The following GDPD5 variants were observed in gnomAD, a reference collection of about 807,000 sequenced individuals.
The protein encoded by GDPD5 is glycerophosphodiester phosphodiesterase domain containing 5, also known as glycerophosphodiester phosphodiesterase 2.
GDPD5 carries 48 observed loss-of-function variants against 75.1 expected under a neutral mutation model. That is an observed-to-expected ratio of 0.64 (90% confidence interval 0.51 to 0.81). GDPD5 has a LOEUF of 0.81. GDPD5 is among the 40% of genes least tolerant of loss of function. The pLI is 0.00. For missense variants in GDPD5, 706 were observed against 822.6 expected, an observed-to-expected ratio of 0.86 and a Z score of 1.73; for synonymous variants, 336 against 339.0, an observed-to-expected ratio of 0.99 and a Z score of 0.10.
chr11:75,477,692 C>T lies in GDPD5; in HGVS notation c.44G>A (p.Cys15Tyr). The change falls in exon 3 of 17, where the codon TGC (cysteine) becomes TAC (tyrosine). Residue 15 changes from cysteine to tyrosine, a missense_variant. By Grantham distance (194) the Cys-to-Tyr change is radical. Transcript: ENST00000336898. Reference protein sequence around the residue: ...QPLQYYEPQLCLSCLTGIYGC... With the variant: ...QPLQYYEPQLYLSCLTGIYGC... The stretch of plus-strand genomic sequence containing the variant: ...GTAGATGCCCGTGAGGCAGGAGAGG[C>T]ACAGCTGTGGCTCGTAGTACTGCAG... 6.3e-7 allele frequency: 1 copy of T among 1,598,616 alleles called. No homozygotes were observed. Among genetic ancestry groups the T allele is most frequent in the Middle Eastern group, 1.7e-4 (1 of 5,944 alleles).
rs139215090 is a variant in GDPD5, at chr11:75,492,078, G to A, written c.-144-1758C>T. Among the ~76,000 whole-genome samples, 20 of 152,306 alleles carry A rather than the reference G, an allele frequency of 1.3e-4. 1 individual carries two copies. The East Asian group carries it at 3.9e-3, about 29-fold the overall frequency. ...GAAAGTACCGCAGAGTCTCCCCAGG[G>A]CTGTCAGCTCTGCTGTCAGCCTTAC... is the stretch of plus-strand genomic sequence containing the variant. On this transcript the variant is annotated intron_variant, in intron 1 of 16. Transcript: ENST00000336898.
At position 75,442,535 on chromosome 11, in the gene GDPD5, C is replaced by A; in HGVS notation, c.995G>T (p.Arg332Ile). ...TASSLSPSDH[R>I]EAQNQSICSL... Reference sequence around the variant, plus strand: ...GCAGATGGACTGGTTCTGGGCCTCTCTGTGGTCGGAGGGTGACAGGGAGCT... The same window carrying A: ...GCAGATGGACTGGTTCTGGGCCTCTATGTGGTCGGAGGGTGACAGGGAGCT... The change falls in exon 12 of 17, where the codon AGA becomes ATA. Residue 332 changes from arginine (R) to isoleucine (I), a missense_variant. Arg to Ile is a moderately conservative substitution (Grantham distance 97). Transcript: ENST00000336898. The A allele has an allele frequency of 6.2e-7, 1 of 1,614,190 alleles. No homozygotes were observed. Among genetic ancestry groups the A allele is most frequent in the Non-Finnish European group, 8.5e-7 (1 of 1,180,032 alleles).
chr11:75,521,837 G>T (rs1427068388), intron 1 of GDPD5, among the ~76,000 whole-genome samples: 1 of 152,112 alleles, frequency 6.6e-6, no homozygotes, highest in African/African-American at 2.4e-5. Context: ...CACATGTGGT[G>T]TGTTTAGGAG....
At chr11:75,464,984 C>T (rs570532261) in intron 3 of GDPD5, among the ~76,000 whole-genome samples, 1 of 152,306 alleles carries the variant, frequency 6.6e-6, no homozygotes, top group South Asian at 2.1e-4. Context: ...AGGACTAGTC[C>T]TTCTCAGAAT....
At chr11:75,444,336 T>G (rs1948926182) in intron 10 of GDPD5, 77 bp downstream of exon 10, 2 of 1,046,848 alleles carry the variant, frequency 1.9e-6, no homozygotes, top group African/African-American at 3.1e-5. Flanking sequence ...GACCAGAGGT[T>G]CCCCCAGCAG....
Position 75,435,640 on chromosome 11 carries a change from A to C in GDPD5, c.1685T>G (p.Val562Gly). The C allele has an allele frequency of 6.2e-7, 1 of 1,611,008 alleles. No homozygotes were observed. Among genetic ancestry groups the C allele is most frequent in the Non-Finnish European group, 8.5e-7 (1 of 1,178,268 alleles). Residue 562 changes from valine to glycine, a missense_variant, in exon 17 of 17, where the codon GTA becomes GGA. Physicochemically the swap from Val to Gly is moderately radical, Grantham distance 109. Transcript: ENST00000336898. ...KLIFSEISDGVEVSDVLSVCS... is the reference protein window; with the variant it reads ...KLIFSEISDGGEVSDVLSVCS... The stretch of plus-strand genomic sequence containing the variant: ...TACGGAGAGCACATCGGAGACCTCT[A>C]CACCATCGCTGATCTCTGCTGGGCC...
At chr11:75,457,458 C>T (rs1949308557) in intron 5 of GDPD5, among the ~76,000 whole-genome samples, 1 of 152,222 alleles carries the variant, frequency 6.6e-6, no homozygotes, top group African/African-American at 2.4e-5. Flanking sequence ...CTACTAGTGG[C>T]ATGAAATAGC....
chr11:75,446,749 C>G (rs766798377), intron 9 of GDPD5, among the ~76,000 whole-genome samples: 1 of 152,192 alleles, frequency 6.6e-6, no homozygotes, highest in Non-Finnish European at 1.5e-5. Flanking sequence ...CAGGGACACA[C>G]AGAGGGGACC....
chr11:75,443,422 TC>T, intron 10 of GDPD5, 136 bp from the exon 11 acceptor site: 1 of 1,004,596 alleles, frequency 1.0e-6, no homozygotes, highest in Non-Finnish European at 1.5e-6. Context: ...GGCCTCAGTC[TC>T]CCCATCTGCA....
intron 1 of GDPD5, among the ~76,000 whole-genome samples, chr11:75,492,987 C>T (rs760094560): frequency 6.6e-6 from 1 of 152,036 alleles, no homozygotes; most frequent in Non-Finnish European, 1.5e-5. Context: ...GCCTTGGCCT[C>T]CCAAAGTGCT....
At chr11:75,514,514 C>T (rs1399894923) in intron 1 of GDPD5, among the ~76,000 whole-genome samples, 1 of 152,248 alleles carries the variant, frequency 6.6e-6, no homozygotes, top group Non-Finnish European at 1.5e-5. Flanking sequence ...TTGGAGCATG[C>T]ATTAAGCACA....
rs761701516 is a variant in GDPD5 at position 75,457,700 on chromosome 11, C to T, written c.308G>A (p.Gly103Asp). Residue 103 changes from glycine (G) to aspartate (D), a missense_variant, in exon 5 of 17, where the codon GGC (glycine) becomes GAC (aspartate). Gly to Asp is a moderately conservative substitution (Grantham distance 94, BLOSUM62 -1). Coordinates refer to ENST00000336898, the MANE Select transcript of GDPD5 (RefSeq NM_030792.8). ...CAAAACAGCCCCATGTACCAGGAGG[C>T]CAGCGATGTATGCGAAGGCAGCAGC... is the stretch of plus-strand genomic sequence containing the variant. Reference protein sequence around the residue: ...TTAAAFAYIAGLLVLALCHIA... With the variant: ...TTAAAFAYIADLLVLALCHIA... 6.2e-7 allele frequency: 1 copy of T among 1,613,898 alleles called. No homozygotes were observed. Among genetic ancestry groups the T allele is most frequent in the African/African-American group, 1.3e-5 (1 of 74,916 alleles).
At chr11:75,501,985 C>T (rs1236895468) in intron 1 of GDPD5, among the ~76,000 whole-genome samples, 2 of 152,232 alleles carry the variant, frequency 1.3e-5, no homozygotes, top group Admixed American at 6.5e-5. Flanking sequence ...CCTCTCCCTA[C>T]ACCCCCAAGT....
rs1386189328 is a variant in GDPD5 at position 75,441,272 on chromosome 11, G to A, written c.1364C>T (p.Thr455Ile). The A allele has an allele frequency of 6.2e-7, 1 of 1,614,170 alleles. No homozygotes were observed. The highest frequency in any genetic ancestry group is 8.5e-7 in the Non-Finnish European group (1 of 1,180,026). The change falls in exon 14 of 17, where the codon ACA becomes ATA. Residue 455 changes from threonine (T) to isoleucine (I), a missense_variant. By Grantham distance (89) the Thr-to-Ile change is moderately conservative. Coordinates refer to ENST00000336898, the MANE Select transcript of GDPD5 (RefSeq NM_030792.8). The part of the protein sequence containing the change: ...ASWNLSVNLY[T>I]VNAPWLFSLL... Reference sequence around the variant, plus strand: ...GGAGAAGAGCCACGGTGCGTTGACTGTGTAGAGGTTCACACTCAGGTTCCA... The same window carrying A: ...GGAGAAGAGCCACGGTGCGTTGACTATGTAGAGGTTCACACTCAGGTTCCA...
At chr11:75,465,961 G>A (rs371071101) in intron 3 of GDPD5, among the ~76,000 whole-genome samples, 9 of 152,260 alleles carry the variant, frequency 5.9e-5, no homozygotes, top group African/African-American at 9.6e-5. Flanking sequence ...CACAGGGGCC[G>A]GGAGGGCCCA....
chr11:75,486,636 A>G (rs1376852905), intron 2 of GDPD5, among the ~76,000 whole-genome samples: 1 of 152,132 alleles, frequency 6.6e-6, no homozygotes, highest in Admixed American at 6.5e-5. Context: ...AGCTGTGCCT[A>G]TGAAACCACC....
intron 14 of GDPD5, among the ~76,000 whole-genome samples, chr11:75,440,739 A>T (rs554921675): frequency 1.5e-3 from 231 of 151,086 alleles, no homozygotes; most frequent in South Asian, 4.8e-3. Context: ...AATTATTATT[A>T]TTTTTTTTTG....
chr11:75,462,750 G>A (rs756570117), intron 4 of GDPD5, 36 bp downstream of exon 4: 12 of 1,526,824 alleles, frequency 7.9e-6, no homozygotes, highest in Non-Finnish European at 9.9e-6. Context: ...ACCCAGCTCT[G>A]GGCCCCTTCC....
At chr11:75,514,452 A>T (rs1452682155) in intron 1 of GDPD5, among the ~76,000 whole-genome samples, 1 of 152,266 alleles carries the variant, frequency 6.6e-6, no homozygotes, top group East Asian at 1.9e-4. Flanking sequence ...GCCAGGACCC[A>T]GGCCTTTAGG....
Sources: gnomAD v4.1 joint callset for allele counts (sites outside exome capture counted in the v4.1 genomes callset) on GRCh38, gnomAD v4.1.1 for gene constraint, MANE v1.5 for transcripts, NCBI Gene and HGNC (gene_info 2026-07-23, HGNC 2026-07-21) for gene names.